The following RBFOX1 variants were observed in gnomAD, a reference collection of about 807,000 sequenced individuals.
RBFOX1 encodes the protein RNA binding protein fox-1 homolog 1.
Under a neutral mutation model 57.7 loss-of-function variants are expected in RBFOX1, and 8 were observed. That is an observed-to-expected ratio of 0.14 (90% CI 0.08 to 0.25). The LOEUF (loss-of-function observed/expected upper bound fraction) is 0.25. Ranked by LOEUF, RBFOX1 falls within the 10% of genes least tolerant of loss-of-function variation. The pLI is 1.00. For missense variants in RBFOX1, 611 were observed against 548.5 expected, an observed-to-expected ratio of 1.11 and a Z score of -1.14; for synonymous variants, 326 against 222.4, an observed-to-expected ratio of 1.47 and a Z score of -4.15.
At chr16:7,650,311 C>G (rs190642847) in intron 11 of RBFOX1, among the ~76,000 whole-genome samples, 1 of 130,262 alleles carries the variant, frequency 7.7e-6, no homozygotes. Context: ...CTGTGGAACT[C>G]TCTTTTTTTT....
chr16:7,123,386 A>G (rs12599104), intron 4 of RBFOX1, among the ~76,000 whole-genome samples: 23,215 of 151,996 alleles, frequency 0.15, 2,181 homozygotes, highest in East Asian at 0.38. Context: ...ATTTTTTGAG[A>G]CAGCGGCTTC....
chr16:6,084,793 A>G (rs2096061698), intron 1 of RBFOX1, among the ~76,000 whole-genome samples: 2 of 152,164 alleles, frequency 1.3e-5, no homozygotes, highest in Non-Finnish European at 2.9e-5. Flanking sequence ...TTGCAGGACA[A>G]ACGTCTTAGA....
intron 14 of RBFOX1, among the ~76,000 whole-genome samples, chr16:7,695,959 C>A (rs1399142894): frequency 2.6e-5 from 4 of 152,144 alleles, no homozygotes; most frequent in Non-Finnish European, 4.4e-5. Flanking sequence ...CCATCAGGGG[C>A]TTCGGGTGGA....
chr16:6,724,115 C>G (rs534121473), intron 3 of RBFOX1, among the ~76,000 whole-genome samples: 3 of 152,052 alleles, frequency 2.0e-5, no homozygotes, highest in Admixed American at 1.3e-4. Context: ...GTGGCAGGGA[C>G]TTCATGAATG....
At chr16:7,672,804 T>C (rs1218533092) in intron 13 of RBFOX1, among the ~76,000 whole-genome samples, 1 of 129,464 alleles carries the variant, frequency 7.7e-6, no homozygotes, top group Non-Finnish European at 1.5e-5. Flanking sequence ...GAGACACAGA[T>C]TGCAGTGAGC....
At chr16:6,555,837 T>G (rs1211195525) in intron 2 of RBFOX1, among the ~76,000 whole-genome samples, 1 of 152,238 alleles carries the variant, frequency 6.6e-6, no homozygotes, top group Non-Finnish European at 1.5e-5. Flanking sequence ...ATTTTCTTAC[T>G]ATGAAATGCA....
chr16:7,327,054 T>G (rs1355809998), intron 4 of RBFOX1, among the ~76,000 whole-genome samples: 1 of 152,166 alleles, frequency 6.6e-6, no homozygotes. Flanking sequence ...TGATATGGTG[T>G]GGGCAGTCTC....
At chr16:7,376,226 A>C (rs574721667) in intron 4 of RBFOX1, among the ~76,000 whole-genome samples, 1 of 152,250 alleles carries the variant, frequency 6.6e-6, no homozygotes, top group African/African-American at 2.4e-5. Flanking sequence ...AAGCTGTTTT[A>C]GATGAAATTC....
intron 1 of RBFOX1, chr16:5,467,156 A>G (rs73528605): frequency 2.9e-4 from 406 of 1,407,778 alleles, no homozygotes; most frequent in Non-Finnish European, 3.7e-4. Context: ...AATTGTTTCA[A>G]TGTAGACTCA....
At chr16:6,588,777 T>C (rs955801976) in intron 2 of RBFOX1, among the ~76,000 whole-genome samples, 1 of 152,226 alleles carries the variant, frequency 6.6e-6, no homozygotes, top group Non-Finnish European at 1.5e-5. Context: ...TACTTGATTA[T>C]TTCCCTGTCA....
chr16:7,381,718 G>A (rs758446117), intron 4 of RBFOX1, among the ~76,000 whole-genome samples: 6 of 152,194 alleles, frequency 3.9e-5, no homozygotes, highest in Admixed American at 6.5e-5. Context: ...GTCAGGAACA[G>A]TGGGCACACT....
chr16:6,941,578 G>C (rs1276870460), intron 3 of RBFOX1, among the ~76,000 whole-genome samples: 4 of 151,792 alleles, frequency 2.6e-5, no homozygotes, highest in Admixed American at 6.6e-5. Flanking sequence ...AATTCCAACA[G>C]GGAATCTCCT....
chr16:7,254,220 A>G (rs1422767612), intron 4 of RBFOX1, among the ~76,000 whole-genome samples: 1 of 152,240 alleles, frequency 6.6e-6, no homozygotes, highest in East Asian at 1.9e-4. Flanking sequence ...TGGAGAAACA[A>G]GGATCCCAGA....
At chr16:7,282,141 G>A (rs1465267543) in intron 4 of RBFOX1, among the ~76,000 whole-genome samples, 4 of 152,168 alleles carry the variant, frequency 2.6e-5, no homozygotes, top group East Asian at 1.9e-4. Context: ...GGGATTACAG[G>A]TGTGAGCCAC....
chr16:7,237,792 G>T (rs1359597953), intron 4 of RBFOX1, among the ~76,000 whole-genome samples: 1 of 152,164 alleles, frequency 6.6e-6, no homozygotes, highest in Non-Finnish European at 1.5e-5. Context: ...GATCACTTGA[G>T]GTCAGGGGTT....
chr16:7,113,479 T>C (rs968571608), intron 4 of RBFOX1, among the ~76,000 whole-genome samples: 3 of 152,226 alleles, frequency 2.0e-5, no homozygotes, highest in African/African-American at 7.2e-5. Context: ...GATCTTGTTA[T>C]GTATTTGGTT....
intron 4 of RBFOX1, among the ~76,000 whole-genome samples, chr16:7,223,478 A>G (rs1476542852): frequency 6.6e-6 from 1 of 152,220 alleles, no homozygotes; most frequent in Non-Finnish European, 1.5e-5. Context: ...TGCGAATGAT[A>G]GAATATTATA....
At chr16:7,251,635 G>C (rs1021651423) in intron 4 of RBFOX1, among the ~76,000 whole-genome samples, 1 of 151,974 alleles carries the variant, frequency 6.6e-6, no homozygotes, top group Admixed American at 6.6e-5. Context: ...GGCTTGCCTG[G>C]TCTTGAACTC....
chr16:6,552,785 A>T (rs1332646564), intron 2 of RBFOX1, among the ~76,000 whole-genome samples: 1 of 152,082 alleles, frequency 6.6e-6, no homozygotes, highest in African/African-American at 2.4e-5. Flanking sequence ...TACACATACA[A>T]TTATATGTGG....
Sources: allele counts gnomAD v4.1 joint callset (sites outside exome capture counted in the v4.1 genomes callset), GRCh38; gene constraint gnomAD v4.1.1; transcripts MANE v1.5; gene names NCBI Gene and HGNC (gene_info 2026-07-23, HGNC 2026-07-21).